CERS6: variants seen among roughly 807,000 people sequenced by gnomAD.
CERS6 encodes the protein LAG1 homolog, ceramide synthase 6.
CERS6 carries 26 observed loss-of-function variants against 56.8 expected under a neutral mutation model. That is an observed-to-expected ratio of 0.46 (90% CI 0.34 to 0.63). The LOEUF is 0.63. CERS6 is among the 30% of genes least tolerant of loss of function. The pLI, the probability that CERS6 is intolerant of heterozygous loss-of-function variation, is 0.01. For missense variants in CERS6, 415 were observed against 467.5 expected (o/e 0.89, Z 1.04); for synonymous variants, 164 against 173.3 (o/e 0.95, Z 0.42).
intron 3 of CERS6, among the ~76,000 whole-genome samples, chr2:168,627,521 T>C (rs1377741187): frequency 3.3e-5 from 5 of 152,182 alleles, no homozygotes; most frequent in Admixed American, 6.5e-5. Flanking sequence ...TGGCACTTAA[T>C]AATACAGCAG....
chr2:168,677,236 T>C (rs1686088171), intron 4 of CERS6, among the ~76,000 whole-genome samples: 2 of 152,036 alleles, frequency 1.3e-5, no homozygotes, highest in African/African-American at 4.8e-5. Context: ...GTTCTCATTG[T>C]TCAACTCCCA....
At chr2:168,659,929 A>G (rs944075994) in intron 4 of CERS6, among the ~76,000 whole-genome samples, 8 of 152,238 alleles carry the variant, frequency 5.3e-5, no homozygotes, top group African/African-American at 1.9e-4. Flanking sequence ...GTGTTGCACT[A>G]TGATGCAAAA....
intron 4 of CERS6, among the ~76,000 whole-genome samples, chr2:168,678,981 A>G (rs1574154036): frequency 6.6e-6 from 1 of 152,250 alleles, no homozygotes; most frequent in African/African-American, 2.4e-5. Flanking sequence ...TATATACACA[A>G]TGGAATCCTA....
intron 3 of CERS6, among the ~76,000 whole-genome samples, chr2:168,620,725 A>C (rs1324849141): frequency 1.3e-5 from 2 of 150,744 alleles, no homozygotes. Context: ...CAGAAAACTG[A>C]CACCAAGCAG....
chr2:168,622,017 T>TG (rs1684483560), intron 3 of CERS6, among the ~76,000 whole-genome samples: 1 of 152,240 alleles, frequency 6.6e-6, no homozygotes, highest in South Asian at 2.1e-4. Context: ...GTACAGAATC[T>TG]TTTAATAATG....
chr2:168,649,230 T>G (rs1685279611), intron 4 of CERS6, among the ~76,000 whole-genome samples: 2 of 152,098 alleles, frequency 1.3e-5, no homozygotes, highest in African/African-American at 2.4e-5. Context: ...CTCCGAGGTC[T>G]GTGTTATTAC....
Position 168,743,234 on chromosome 2 carries a change from ATG to A in CERS6, c.846-22348_846-22347del, listed in dbSNP as rs139026026. On this transcript the variant is annotated intron_variant, in intron 8 of 9. Coordinates refer to ENST00000305747, the MANE Select transcript of CERS6 (RefSeq NM_203463.3). ...TGTGTATGTGTGTGTGTATATATATATGTGTGTGTGTATATATATATACACGT... is the reference window on the plus strand; with the variant it reads ...TGTGTATGTGTGTGTGTATATATATATGTGTGTGTATATATATATACACGT... 3.2e-3 allele frequency among the ~76,000 whole-genome samples: 464 copies of A among 147,208 alleles called. 1 individual carries two copies. The highest frequency in any genetic ancestry group is 0.011 in the African/African-American group (436 of 39,552).
At chr2:168,547,882 A>G (rs1471180469) in intron 2 of CERS6, among the ~76,000 whole-genome samples, 181 bp downstream of exon 2, 1 of 152,182 alleles carries the variant, frequency 6.6e-6, no homozygotes, top group Non-Finnish European at 1.5e-5. Context: ...CTTGTCTTAG[A>G]CTTGGTAGTT....
At chr2:168,574,057 G>A (rs749471217) in intron 3 of CERS6, among the ~76,000 whole-genome samples, 3 of 152,066 alleles carry the variant, frequency 2.0e-5, no homozygotes, top group South Asian at 2.1e-4. Flanking sequence ...GTGGACACTC[G>A]TATTTCCCTT....
intron 1 of CERS6, among the ~76,000 whole-genome samples, chr2:168,491,048 G>A (rs1247747447): frequency 1.3e-5 from 2 of 152,192 alleles, no homozygotes; most frequent in African/African-American, 2.4e-5. Context: ...GAACTGGGAA[G>A]CCTAGAAGCA....
intron 8 of CERS6, among the ~76,000 whole-genome samples, chr2:168,744,533 T>G (rs916739149): frequency 6.8e-4 from 103 of 152,310 alleles, no homozygotes; most frequent in Admixed American, 3.5e-3. Flanking sequence ...TGAGCAGCTC[T>G]CAGTAAAGGA....
chr2:168,495,971 C>T (rs1432908927), intron 1 of CERS6, among the ~76,000 whole-genome samples: 2 of 152,230 alleles, frequency 1.3e-5, no homozygotes, highest in East Asian at 3.8e-4. Flanking sequence ...GGGATAACCA[C>T]TATTTATTTG....
chr2:168,665,179 G>T (rs915819220), intron 4 of CERS6, among the ~76,000 whole-genome samples: 2 of 151,938 alleles, frequency 1.3e-5, no homozygotes, highest in Non-Finnish European at 1.5e-5. Context: ...TGAAAAGATG[G>T]TTTTTACTGG....
At chr2:168,524,176 G>A (rs372390590) in intron 1 of CERS6, among the ~76,000 whole-genome samples, 1 of 152,166 alleles carries the variant, frequency 6.6e-6, no homozygotes, top group Non-Finnish European at 1.5e-5. Flanking sequence ...TATGCAAAAG[G>A]AAGTCTCAAA....
At chr2:168,638,154 C>G (rs1684904849) in intron 4 of CERS6, among the ~76,000 whole-genome samples, 1 of 152,120 alleles carries the variant, frequency 6.6e-6, no homozygotes, top group South Asian at 2.1e-4. Context: ...ACTAGCAAAG[C>G]TGAGAATCTG....
chr2:168,607,543 G>A (rs191030265), intron 3 of CERS6, among the ~76,000 whole-genome samples: 9 of 152,096 alleles, frequency 5.9e-5, no homozygotes, highest in Admixed American at 2.0e-4. Context: ...CACTATGCCC[G>A]GCTAATTTTT....
intron 7 of CERS6, among the ~76,000 whole-genome samples, chr2:168,717,639 T>C (rs1422243770): frequency 6.6e-6 from 1 of 152,198 alleles, no homozygotes. Context: ...ATTAAATCTG[T>C]AACAGTCAGG....
intron 4 of CERS6, among the ~76,000 whole-genome samples, chr2:168,647,262 A>G (rs1640434090): frequency 1.3e-5 from 2 of 151,906 alleles, no homozygotes; most frequent in African/African-American, 4.8e-5. Context: ...ATTCCTTGGT[A>G]TTTTATTCTT....
intron 8 of CERS6, among the ~76,000 whole-genome samples, chr2:168,733,025 G>A (rs1443654887): frequency 6.6e-6 from 1 of 152,116 alleles, no homozygotes; most frequent in Non-Finnish European, 1.5e-5. Context: ...CATCAGATAA[G>A]TATCACACCA....
Sources: gnomAD v4.1 joint callset for allele counts (sites outside exome capture counted in the v4.1 genomes callset) on GRCh38, gnomAD v4.1.1 for gene constraint, MANE v1.5 for transcripts, NCBI Gene and HGNC (gene_info 2026-07-23, HGNC 2026-07-21) for gene names.